MYRFL: variants seen among roughly 807,000 people sequenced by gnomAD.
The protein encoded by MYRFL is myelin regulatory factor like.
A neutral mutation model predicts 109.4 loss-of-function variants in MYRFL; 88 were observed. The observed-to-expected ratio is 0.80, with a 90% confidence interval of 0.68 to 0.96. The LOEUF (loss-of-function observed/expected upper bound fraction) is 0.96, where lower values mean the gene tolerates loss of function less well. Among genes scored for constraint, MYRFL ranks in the 40% least tolerant of loss-of-function variants. The pLI is 0.00. For missense variants in MYRFL, 957 were observed against 954.9 expected (o/e 1.00, Z -0.03); for synonymous variants, 324 against 320.9 (o/e 1.01, Z -0.10).
chr12:69,943,916 A>C (rs1166416357), intron 19 of MYRFL, among the ~76,000 whole-genome samples: 4 of 151,790 alleles, frequency 2.6e-5, no homozygotes, highest in African/African-American at 9.7e-5. Flanking sequence ...TTATGCAGCC[A>C]AAAAACACAT....
At position 69,936,078 on chromosome 12, in the gene MYRFL, GTTTTTTTTTTTT is replaced by G. The variant is rs71098067; in HGVS notation, c.1917-17_1917-6del. The G allele has an allele frequency of 8.5e-5, 76 of 893,870 alleles. No homozygotes were observed. The Middle Eastern group carries it at 1.2e-3, about 15-fold the overall frequency. 55.4% of individuals were successfully genotyped at this position (893,870 alleles called of 1,614,324 possible). On this transcript the variant is annotated intron_variant, in intron 16 of 24. Transcript: ENST00000552032. ...TCTGGAAACAAATCTGCCACATAAT[GTTTTTTTTTTTT>G]TTTTTTTTTTTTTTTTTGACAGTGC...
intron 1 of MYRFL, among the ~76,000 whole-genome samples, chr12:69,829,975 TG>T (rs1167266653): frequency 3.9e-5 from 6 of 151,988 alleles, no homozygotes; most frequent in Non-Finnish European, 8.8e-5. Flanking sequence ...TCTCTGTCTT[TG>T]GGGCCACAAC....
chr12:69,915,439 C>T (rs1466017677), intron 13 of MYRFL, among the ~76,000 whole-genome samples: 2 of 152,102 alleles, frequency 1.3e-5, no homozygotes, highest in East Asian at 3.9e-4. Flanking sequence ...GAAATATTGC[C>T]TCCATGATTG....
At chr12:69,840,255 C>T (rs751329696) in intron 1 of MYRFL, among the ~76,000 whole-genome samples, 30 of 152,086 alleles carry the variant, frequency 2.0e-4, no homozygotes, top group Non-Finnish European at 3.4e-4. Context: ...TATATTTTTC[C>T]GAATTACAAA....
intron 2 of MYRFL, among the ~76,000 whole-genome samples, chr12:69,862,674 A>G (rs1005924832): frequency 1.5e-4 from 23 of 152,054 alleles, no homozygotes; most frequent in East Asian, 3.9e-4. Flanking sequence ...TTTTCTAGAT[A>G]TACAATCATG....
chr12:69,892,087 T>C (rs1886950540), intron 7 of MYRFL, among the ~76,000 whole-genome samples: 1 of 152,208 alleles, frequency 6.6e-6, no homozygotes, highest in African/African-American at 2.4e-5. Context: ...AATGTATTCT[T>C]AATTATTTTA....
intron 9 of MYRFL, among the ~76,000 whole-genome samples, chr12:69,896,103 G>A (rs899878760): frequency 4.6e-5 from 7 of 152,144 alleles, no homozygotes; most frequent in Non-Finnish European, 8.8e-5. Context: ...TTTTGGAGTT[G>A]GATAGAATTG....
intron 8 of MYRFL, among the ~76,000 whole-genome samples, chr12:69,894,278 G>A (rs1036091699): frequency 3.3e-5 from 5 of 152,034 alleles, no homozygotes; most frequent in Admixed American, 1.3e-4. Flanking sequence ...GATTACAGGC[G>A]TGAGCCACAG....
chr12:69,842,415 G>A lies in MYRFL; in HGVS notation c.47-12865G>A, dbSNP rs148436354. Among the ~76,000 whole-genome samples the A allele has an allele frequency of 2.6e-5, 4 of 152,106 alleles. No homozygotes were observed. In the South Asian group the frequency reaches 6.2e-4, roughly 24 times the overall value. On this transcript the variant is annotated intron_variant, in intron 1 of 24. Coordinates refer to ENST00000552032, the MANE Select transcript of MYRFL (RefSeq NM_182530.3). ...CAGCTTTATTTACTCACCTAACAAG[G>A]TCAACATTTATTGAATAGCTATAAT...
intron 1 of MYRFL, among the ~76,000 whole-genome samples, chr12:69,850,910 C>A (rs932210905): frequency 2.0e-5 from 3 of 151,916 alleles, no homozygotes; most frequent in African/African-American, 7.3e-5. Context: ...ATACCCTCAA[C>A]TTTTTCATTT....
intron 6 of MYRFL, among the ~76,000 whole-genome samples, chr12:69,887,966 T>G (rs1461911770): frequency 6.6e-6 from 1 of 152,212 alleles, no homozygotes; most frequent in Non-Finnish European, 1.5e-5. Flanking sequence ...GAACATTCCA[T>G]GTTTTGTAAG....
chr12:69,911,043 A>G, intron 13 of MYRFL, 113 bp downstream of exon 13: 3 of 623,730 alleles, frequency 4.8e-6, no homozygotes, highest in Non-Finnish European at 5.4e-6. Flanking sequence ...CATTAAAATA[A>G]TTCTTCACTG....
chr12:69,826,584 A>T (rs1164884653), intron 1 of MYRFL, among the ~76,000 whole-genome samples: 1 of 151,920 alleles, frequency 6.6e-6, no homozygotes, highest in Non-Finnish European at 1.5e-5. Flanking sequence ...AAGAGCTTTT[A>T]TTTCTATGGG....
chr12:69,872,531 C>T (rs955096788), intron 2 of MYRFL, among the ~76,000 whole-genome samples: 2 of 151,830 alleles, frequency 1.3e-5, no homozygotes, highest in East Asian at 1.9e-4. Context: ...GATGGAGTCT[C>T]GCTCTGTTGC....
At chr12:69,916,678 C>T (rs891407194) in intron 13 of MYRFL, among the ~76,000 whole-genome samples, 3 of 152,156 alleles carry the variant, frequency 2.0e-5, no homozygotes, top group Non-Finnish European at 4.4e-5. Context: ...TTACTGGCTA[C>T]AGACTGTTAT....
At chr12:69,948,321 AC>A (rs1358825574) in intron 19 of MYRFL, among the ~76,000 whole-genome samples, 1 of 151,944 alleles carries the variant, frequency 6.6e-6, no homozygotes, top group Non-Finnish European at 1.5e-5. Context: ...CCTCATTCCC[AC>A]CTATTTATTG....
chr12:69,936,114 G>A lies in MYRFL; in HGVS notation c.1918G>A (p.Ala640Thr). 2.7e-6 allele frequency: 1 copy of A among 374,540 alleles called. No homozygotes were observed. The highest frequency in any genetic ancestry group is 3.2e-5 in the African/African-American group (1 of 31,396). 23.2% of individuals were successfully genotyped at this position (374,540 alleles called of 1,614,324 possible). A position where few individuals can be genotyped will look rare whatever the true frequency, so the allele number is the denominator to read the frequency against. The change falls in exon 17 of 25, where the codon GCT becomes ACT. Residue 640 changes from alanine to threonine, a missense_variant and splice_region_variant. Physicochemically the swap from Ala to Thr is moderately conservative, Grantham distance 58 (BLOSUM62 0). Transcript: ENST00000552032. ...ITLIAVMAFCALTIVALYILS... is the reference protein window; with the variant it reads ...ITLIAVMAFCTLTIVALYILS... ...TTTTTTTTTTTTTTTTTTTGACAGT[G>A]CTTTGACGATAGTTGCCCTCTATAT... is the stretch of plus-strand genomic sequence containing the variant.
chr12:69,831,783 G>A (rs1320052923), intron 1 of MYRFL, among the ~76,000 whole-genome samples: 2 of 152,030 alleles, frequency 1.3e-5, no homozygotes, highest in African/African-American at 4.8e-5. Flanking sequence ...ACTTGCTTGC[G>A]GGTTATCCAC....
At chr12:69,940,211 G>C (rs556134634) in intron 19 of MYRFL, among the ~76,000 whole-genome samples, 46 of 152,034 alleles carry the variant, frequency 3.0e-4, no homozygotes, top group African/African-American at 1.0e-3. Flanking sequence ...ACACCACAAA[G>C]ATACTCCTCG....
Sources: allele counts gnomAD v4.1 joint callset (sites outside exome capture counted in the v4.1 genomes callset), GRCh38; gene constraint gnomAD v4.1.1; transcripts MANE v1.5; gene names NCBI Gene and HGNC (gene_info 2026-07-23, HGNC 2026-07-21).